The following SLC24A2 variants were observed in gnomAD, a reference collection of about 807,000 sequenced individuals.
The protein encoded by SLC24A2 is sodium/potassium/calcium exchanger 2.
A neutral mutation model predicts 62.0 loss-of-function variants in SLC24A2; 36 were observed. The observed-to-expected ratio is 0.58, with a 90% CI of 0.44 to 0.77. The LOEUF (loss-of-function observed/expected upper bound fraction) is 0.77. Among genes scored for constraint, SLC24A2 ranks in the 30% least tolerant of loss-of-function variants. SLC24A2 has a pLI of 0.00. For synonymous variants in SLC24A2, 358 were observed against 294.0 expected (o/e 1.22, Z -2.23); for missense variants, 846 against 817.9 (o/e 1.03, Z -0.42).
chr9:19,630,443 A>T (rs1267899250), intron 2 of SLC24A2, among the ~76,000 whole-genome samples: 3 of 152,172 alleles, frequency 2.0e-5, no homozygotes, highest in Admixed American at 6.5e-5. Flanking sequence ...TAGATTTTTT[A>T]AAAATAAGAA....
intron 2 of SLC24A2, among the ~76,000 whole-genome samples, chr9:19,785,493 T>G (rs1197713643): frequency 2.0e-5 from 3 of 152,218 alleles, no homozygotes; most frequent in Non-Finnish European, 4.4e-5. Context: ...TGACACAAAC[T>G]TTCTTCCTCA....
the SLC24A2 span, among the ~76,000 whole-genome samples, chr9:20,045,795 C>T: frequency 6.6e-6 from 1 of 152,188 alleles, no homozygotes; most frequent in Non-Finnish European, 1.5e-5. Context: ...TTATATCATT[C>T]TCACAATGAT....
At chr9:19,701,408 TCC>T in intron 2 of SLC24A2, among the ~76,000 whole-genome samples, 1 of 152,178 alleles carries the variant, frequency 6.6e-6, no homozygotes, top group Non-Finnish European at 1.5e-5. Context: ...CAGCACTTAG[TCC>T]ACAACCGGTA....
At chr9:20,058,882 A>C in the SLC24A2 span, among the ~76,000 whole-genome samples, 1 of 152,172 alleles carries the variant, frequency 6.6e-6, no homozygotes, top group South Asian at 2.1e-4. Flanking sequence ...AACATCCATC[A>C]TTCAGTTTTG....
At chr9:20,272,772 C>T in the SLC24A2 span, among the ~76,000 whole-genome samples, 3 of 152,220 alleles carry the variant, frequency 2.0e-5, no homozygotes, top group Non-Finnish European at 4.4e-5. Flanking sequence ...CAAATCTACT[C>T]TGGCTCCCTA....
the SLC24A2 span, among the ~76,000 whole-genome samples, chr9:20,112,642 T>C: frequency 1.4e-4 from 21 of 152,288 alleles, no homozygotes; most frequent in Admixed American, 1.0e-3. Flanking sequence ...GGTGTCAGTG[T>C]ACGGGAAGCC....
chr9:20,276,975 T>C, the SLC24A2 span, among the ~76,000 whole-genome samples: 3 of 152,234 alleles, frequency 2.0e-5, no homozygotes, highest in South Asian at 6.2e-4. Flanking sequence ...CTAGGCCTCC[T>C]GGCTTGTGAT....
chr9:20,090,014 T>C, the SLC24A2 span, among the ~76,000 whole-genome samples: 1 of 152,066 alleles, frequency 6.6e-6, no homozygotes, highest in African/African-American at 2.4e-5. Context: ...CCTTTCTCTG[T>C]GTTGGTGCTA....
chr9:19,565,381 T>TA (rs1259918150), intron 7 of SLC24A2, among the ~76,000 whole-genome samples: 4 of 149,388 alleles, frequency 2.7e-5, no homozygotes, highest in Non-Finnish European at 5.9e-5. Context: ...TCAAAGAGAA[T>TA]AAAATACCTA....
chr9:19,946,956 C>G, the SLC24A2 span, among the ~76,000 whole-genome samples: 1 of 152,298 alleles, frequency 6.6e-6, no homozygotes, highest in African/African-American at 2.4e-5. Flanking sequence ...AAAACTCAAA[C>G]AAGCCAGGGC....
the SLC24A2 span, among the ~76,000 whole-genome samples, chr9:20,066,813 C>T: frequency 2.6e-5 from 4 of 152,158 alleles, no homozygotes; most frequent in African/African-American, 9.6e-5. Context: ...TTTCTGAGTC[C>T]CCAGATTTCT....
chr9:20,280,839 G>C, the SLC24A2 span, among the ~76,000 whole-genome samples: 1 of 152,178 alleles, frequency 6.6e-6, no homozygotes, highest in Non-Finnish European at 1.5e-5. Context: ...ACACAGAGGT[G>C]ACAGCCATGT....
intron 7 of SLC24A2, among the ~76,000 whole-genome samples, chr9:19,563,948 G>A (rs1304184554): frequency 6.6e-6 from 1 of 150,632 alleles, no homozygotes; most frequent in Non-Finnish European, 1.5e-5. Context: ...CTGCCTCCTG[G>A]GCTCAAGTGA....
chr9:20,191,310 A>G, the SLC24A2 span, among the ~76,000 whole-genome samples: 36 of 152,258 alleles, frequency 2.4e-4, no homozygotes, highest in African/African-American at 8.4e-4. Flanking sequence ...CTGCGGACAT[A>G]AAAATATCTC....
chr9:20,164,793 A>G, the SLC24A2 span, among the ~76,000 whole-genome samples: 39,494 of 150,578 alleles, frequency 0.26, 6,228 homozygotes, highest in East Asian at 0.72. Flanking sequence ...ACCATGGAAT[A>G]CTATGCAGCC....
At position 19,593,314 on chromosome 9, in the gene SLC24A2, A is replaced by G. The variant is rs111995933; in HGVS notation, c.1129+3915T>C. 4.1e-3 allele frequency among the ~76,000 whole-genome samples: 630 copies of G among 152,270 alleles called. 10 individuals are homozygous for G. The highest frequency in any genetic ancestry group is 0.015 in the African/African-American group (610 of 41,556). ...GCCCCCAATCCAGCACCTGGTACAT[A>G]CTGGCTATTGATGAACAAATTCATG... On this transcript the variant is annotated intron_variant, in intron 5 of 10. Transcript: ENST00000341998.
the SLC24A2 span, among the ~76,000 whole-genome samples, chr9:19,951,522 A>G: frequency 2.0e-5 from 3 of 150,556 alleles, no homozygotes; most frequent in Non-Finnish European, 4.4e-5. Flanking sequence ...CACATTTTGA[A>G]TTAATTTTTG....
At chr9:19,720,887 T>C (rs1821007626) in intron 2 of SLC24A2, among the ~76,000 whole-genome samples, 1 of 149,942 alleles carries the variant, frequency 6.7e-6, no homozygotes, top group African/African-American at 2.5e-5. Context: ...GTGTGTTGTA[T>C]CTCTAAAAGC....
At chr9:19,839,750 C>T in the SLC24A2 span, among the ~76,000 whole-genome samples, 2 of 152,078 alleles carry the variant, frequency 1.3e-5, no homozygotes, top group East Asian at 3.9e-4. Context: ...TAGTAATGAG[C>T]TGCATAATAA....
Sources: allele counts gnomAD v4.1 joint callset (sites outside exome capture counted in the v4.1 genomes callset), GRCh38; gene constraint gnomAD v4.1.1; transcripts MANE v1.5; gene names NCBI Gene and HGNC (gene_info 2026-07-23, HGNC 2026-07-21).